The following RBPMS2 variants were observed in gnomAD, a reference collection of about 807,000 sequenced individuals.
RBPMS2 encodes the protein RNA binding protein, mRNA processing factor 2.
In RBPMS2, 14 loss-of-function variants were observed where a neutral mutation model predicts 25.7. The observed-to-expected ratio is 0.55, with a 90% CI of 0.36 to 0.85. The LOEUF (loss-of-function observed/expected upper bound fraction) is 0.85. RBPMS2 is among the 40% of genes least tolerant of loss of function. RBPMS2 has a pLI of 0.01. For synonymous variants in RBPMS2, 127 were observed against 115.6 expected (o/e 1.10, Z -0.63); for missense variants, 252 against 283.4 (o/e 0.89, Z 0.80).
At chr15:64,761,909 T>C (rs145594210) in intron 1 of RBPMS2, among the ~76,000 whole-genome samples, 2,426 of 152,070 alleles carry the variant, frequency 0.016, 71 homozygotes, top group African/African-American at 0.056. Flanking sequence ...GGTTCCACCA[T>C]GTTGGCCAGG....
intron 6 of RBPMS2, 133 bp from the exon 7 acceptor site, chr15:64,741,375 T>G (rs772031191): frequency 1.5e-5 from 10 of 680,186 alleles, no homozygotes; most frequent in Non-Finnish European, 2.6e-5. Flanking sequence ...TTTGGGCCAG[T>G]TACTCACCTT....
intron 2 of RBPMS2, 140 bp downstream of exon 2, chr15:64,751,421 G>A: frequency 1.5e-6 from 1 of 675,114 alleles, no homozygotes; most frequent in Non-Finnish European, 2.6e-6. Flanking sequence ...CGCAGAACCA[G>A]GACACGGGCT....
intron 6 of RBPMS2, among the ~76,000 whole-genome samples, chr15:64,741,634 C>T (rs562971664): frequency 6.6e-6 from 1 of 152,342 alleles, no homozygotes; most frequent in Admixed American, 6.5e-5. Context: ...GAATGAGCCT[C>T]ATACATTTTT....
chr15:64,742,370 C>T lies in RBPMS2; in HGVS notation c.568-1128G>A, dbSNP rs1435462289. The stretch of plus-strand genomic sequence containing the variant: ...CCAGAGGTCTATAACGTCAGGTGGG[C>T]GGCAGCTATCTGAGATCATCCTCAC... On this transcript the variant is annotated intron_variant, in intron 6 of 7. Transcript: ENST00000300069. 9.2e-5 allele frequency among the ~76,000 whole-genome samples: 14 copies of T among 152,166 alleles called. No individual in the cohort carries two copies. In the East Asian group the frequency reaches 2.5e-3, roughly 27 times the overall value.
At chr15:64,741,321 G>T in intron 6 of RBPMS2, 79 bp from the exon 7 acceptor site, 1 of 1,130,160 alleles carries the variant, frequency 8.8e-7, no homozygotes, top group Non-Finnish European at 1.3e-6. Context: ...GGCCATCGGT[G>T]TCCCCGCTGG....
intron 1 of RBPMS2, among the ~76,000 whole-genome samples, chr15:64,770,281 G>C (rs916677663): frequency 1.4e-4 from 21 of 152,170 alleles, no homozygotes; most frequent in Non-Finnish European, 1.5e-5. Flanking sequence ...ATACTGTGTG[G>C]TTAAGAGCAA....
At chr15:64,768,237 G>A (rs1433577196) in intron 1 of RBPMS2, among the ~76,000 whole-genome samples, 2 of 152,164 alleles carry the variant, frequency 1.3e-5, no homozygotes, top group African/African-American at 4.8e-5. Flanking sequence ...GCTTGGGCGT[G>A]GCAACTCACA....
intron 1 of RBPMS2, chr15:64,762,457 G>C (rs1221683578): frequency 1.9e-6 from 1 of 534,752 alleles, no homozygotes; most frequent in Non-Finnish European, 3.8e-6. Flanking sequence ...CTGTTATAAA[G>C]ACACTGAGCA....
intron 3 of RBPMS2, 109 bp from the exon 4 acceptor site, chr15:64,749,602 T>C (rs1173878324): frequency 2.1e-6 from 2 of 970,534 alleles, no homozygotes; most frequent in African/African-American, 3.3e-5. Context: ...GTATTTGCCC[T>C]GCTGATGAGA....
chr15:64,765,327 A>C (rs982817651), intron 1 of RBPMS2, among the ~76,000 whole-genome samples: 13 of 150,670 alleles, frequency 8.6e-5, no homozygotes, highest in Admixed American at 2.7e-4. Flanking sequence ...AGGCAGGAGA[A>C]TCCCTTGAAC....
chr15:64,749,153 A>T lies in RBPMS2; in HGVS notation c.268-3T>A. 2 of 1,613,846 alleles carry T rather than the reference A, an allele frequency of 1.2e-6. No homozygotes were observed. The highest frequency in any genetic ancestry group is 1.7e-6 in the Non-Finnish European group (2 of 1,179,738). On this transcript the variant is annotated splice_region_variant and splice_polypyrimidine_tract_variant and intron_variant, in intron 4 of 7. Coordinates refer to ENST00000300069, the MANE Select transcript of RBPMS2 (RefSeq NM_194272.3). ...TTTTCGGGATCAAAGCGAATACCCT[A>T]CATGGGTAGAGAAAAGAAGAGAAAG...
chr15:64,752,617 G>GTT (rs112371011), intron 1 of RBPMS2, among the ~76,000 whole-genome samples: 132 of 146,016 alleles, frequency 9.0e-4, no homozygotes, highest in African/African-American at 3.0e-3. Context: ...GATGCTGTGA[G>GTT]TTTTTTTTTT....
At chr15:64,764,916 G>A (rs1292185250) in intron 1 of RBPMS2, among the ~76,000 whole-genome samples, 7 of 99,280 alleles carry the variant, frequency 7.1e-5, no homozygotes, top group East Asian at 2.6e-4. Flanking sequence ...GTGAGACTCC[G>A]TCTCAAAAAA....
At chr15:64,774,370 C>T (rs1413299821) in intron 1 of RBPMS2, among the ~76,000 whole-genome samples, 2 of 152,180 alleles carry the variant, frequency 1.3e-5, no homozygotes, top group Non-Finnish European at 2.9e-5. Context: ...GCTCCTCGTC[C>T]CTATTCACTG....
chr15:64,759,594 CA>C (rs2083763910), intron 1 of RBPMS2, among the ~76,000 whole-genome samples: 1 of 152,188 alleles, frequency 6.6e-6, no homozygotes, highest in Non-Finnish European at 1.5e-5. Context: ...CCTTCAGGAG[CA>C]AAGTATCAGG....
At chr15:64,753,385 G>A (rs1438564606) in intron 1 of RBPMS2, among the ~76,000 whole-genome samples, 4 of 152,194 alleles carry the variant, frequency 2.6e-5, no homozygotes, top group African/African-American at 9.6e-5. Flanking sequence ...CCAGACAACA[G>A]CCTTTCTGAG....
chr15:64,743,287 A>C (rs2083581029), intron 6 of RBPMS2, among the ~76,000 whole-genome samples: 1 of 152,198 alleles, frequency 6.6e-6, no homozygotes, highest in Non-Finnish European at 1.5e-5. Context: ...GGCCGCCCTC[A>C]GCATATCTGC....
At chr15:64,757,306 C>T (rs2083741822) in intron 1 of RBPMS2, among the ~76,000 whole-genome samples, 1 of 152,102 alleles carries the variant, frequency 6.6e-6, no homozygotes, top group Admixed American at 6.6e-5. Flanking sequence ...ACACCATCTA[C>T]CTCCAAGACT....
chr15:64,760,367 TCA>T (rs2083772719), intron 1 of RBPMS2, among the ~76,000 whole-genome samples: 1 of 152,196 alleles, frequency 6.6e-6, no homozygotes, highest in Non-Finnish European at 1.5e-5. Context: ...TCTAAACTTC[TCA>T]GATACTGTGA....
Sources: gnomAD v4.1 joint callset for allele counts (sites outside exome capture counted in the v4.1 genomes callset) on GRCh38, gnomAD v4.1.1 for gene constraint, MANE v1.5 for transcripts, NCBI Gene and HGNC (gene_info 2026-07-23, HGNC 2026-07-21) for gene names.